DPYSL3: variants seen among roughly 807,000 people sequenced by gnomAD.
DPYSL3 encodes dihydropyrimidinase like 3.
In DPYSL3, 16 loss-of-function variants were observed where a neutral mutation model predicts 66.1. That is an observed-to-expected ratio of 0.24 (90% confidence interval 0.16 to 0.37). DPYSL3 has a LOEUF of 0.37. Among genes scored for constraint, DPYSL3 ranks in the 10% least tolerant of loss-of-function variants. The probability of loss-of-function intolerance (pLI) is 1.00; values close to 1 mark genes in which losing one functional copy is unlikely to be tolerated. For missense variants in DPYSL3, 738 were observed against 916.2 expected (o/e 0.81, Z 2.51); for synonymous variants, 338 against 345.1 (o/e 0.98, Z 0.23).
At position 147,392,724 on chromosome 5, in the gene DPYSL3, T is replaced by A. The variant is rs1757848593; in HGVS notation, c.*1311A>T. 1 of 152,198 alleles carries A rather than the reference T, an allele frequency of 6.6e-6. No individual in the cohort carries two copies. Among genetic ancestry groups the A allele is most frequent in the Admixed American group, 6.5e-5 (1 of 15,284 alleles). 9.4% of individuals were successfully genotyped at this position (152,198 alleles called of 1,614,324 possible). A position where few individuals can be genotyped will look rare whatever the true frequency, so the allele number is the denominator to read the frequency against. ...CAGGTGCCCCATGAGGAAGACTGCATCATGTCACTTCCACTCACTTGGGGA... is the reference window on the plus strand; with the variant it reads ...CAGGTGCCCCATGAGGAAGACTGCAACATGTCACTTCCACTCACTTGGGGA... On this transcript the variant is annotated 3_prime_UTR_variant, in exon 14 of 14. Transcript: ENST00000343218.
rs3213857 is a variant in DPYSL3 at position 147,400,447 on chromosome 5, T to G, written c.1452+245A>C. ...CGTACACTCAGATGAAGGAGTTGCA[T>G]GTCTGGTTCCTAGTCCTAACAGTCT... On this transcript the variant is annotated intron_variant, in intron 10 of 13. Transcript: ENST00000343218. Among the ~76,000 whole-genome samples the G allele has an allele frequency of 0.013, 1,979 of 152,380 alleles. 128 individuals are homozygous for G. The East Asian group carries it at 0.18, about 14-fold the overall frequency.
chr5:147,503,714 A>G (rs891172928), intron 1 of DPYSL3, among the ~76,000 whole-genome samples: 3 of 152,242 alleles, frequency 2.0e-5, no homozygotes, highest in African/African-American at 7.2e-5. Flanking sequence ...AAAGATGCAC[A>G]ATCAAGAAAG....
chr5:147,419,612 T>C (rs1004417210), intron 2 of DPYSL3, among the ~76,000 whole-genome samples: 1 of 152,184 alleles, frequency 6.6e-6, no homozygotes, highest in African/African-American at 2.4e-5. Flanking sequence ...TCTCCTACCT[T>C]GGGATATCTG....
Position 147,415,704 on chromosome 5 carries a change from C to A in DPYSL3, c.820+5G>T. ...GAGGAGGGAGGACGGCATGTCCGGGCTCACCTTTGTCCTTGATGAGGTTCT... is the reference window on the plus strand; with the variant it reads ...GAGGAGGGAGGACGGCATGTCCGGGATCACCTTTGTCCTTGATGAGGTTCT... On this transcript the variant is annotated splice_donor_5th_base_variant and intron_variant, in intron 4 of 13. Transcript: ENST00000343218. 1.2e-6 allele frequency: 2 copies of A among 1,613,106 alleles called. No individual in the cohort carries two copies. Among genetic ancestry groups the A allele is most frequent in the Non-Finnish European group, 8.5e-7 (1 of 1,179,478 alleles).
intron 1 of DPYSL3, among the ~76,000 whole-genome samples, chr5:147,501,076 C>T (rs1016949987): frequency 3.3e-5 from 5 of 152,140 alleles, no homozygotes; most frequent in Admixed American, 2.6e-4. Flanking sequence ...ACCACGACAT[C>T]CTTCAGTAGG....
intron 1 of DPYSL3, among the ~76,000 whole-genome samples, chr5:147,450,402 G>A (rs891931153): frequency 3.9e-5 from 6 of 152,170 alleles, no homozygotes; most frequent in Admixed American, 1.3e-4. Flanking sequence ...CAGGCCCATC[G>A]CGAGACAGTG....
At chr5:147,487,437 T>A (rs1255253872) in intron 1 of DPYSL3, among the ~76,000 whole-genome samples, 1 of 152,206 alleles carries the variant, frequency 6.6e-6, no homozygotes, top group Non-Finnish European at 1.5e-5. Context: ...AATTTTGGAA[T>A]CTTTTCATAT....
intron 2 of DPYSL3, among the ~76,000 whole-genome samples, chr5:147,420,557 G>A (rs1162983919): frequency 6.6e-6 from 1 of 152,174 alleles, no homozygotes; most frequent in Non-Finnish European, 1.5e-5. Context: ...CATAGCATGA[G>A]TCCAATATCT....
chr5:147,450,734 C>T (rs1220031396), intron 1 of DPYSL3, among the ~76,000 whole-genome samples: 1 of 152,122 alleles, frequency 6.6e-6, no homozygotes, highest in Non-Finnish European at 1.5e-5. Context: ...ACAACCAATC[C>T]TATCTTGGAC....
Position 147,401,527 on chromosome 5 carries a change from T to C in DPYSL3, c.1310+13A>G. On this transcript the variant is annotated intron_variant, in intron 9 of 13. Transcript: ENST00000343218. ...TTCACAAAACGCCTGCTGCTGGGCA[T>C]TCCTGCACCAACCTGGCCAGCAAGG... is the stretch of plus-strand genomic sequence containing the variant. 1 of 1,608,294 alleles carries C rather than the reference T, an allele frequency of 6.2e-7. No individual in the cohort carries two copies. Among genetic ancestry groups the C allele is most frequent in the South Asian group, 1.1e-5 (1 of 89,962 alleles).
Position 147,453,771 on chromosome 5 carries a change from T to C in DPYSL3, c.382-28808A>G, listed in dbSNP as rs1327130903. The C allele has an allele frequency of 3.9e-6, 5 of 1,296,174 alleles. No homozygotes were observed. The East Asian group carries it at 1.6e-4, about 41-fold the overall frequency. The allele number at this position is 1,296,174 out of a possible 1,614,324, so 80.3% of individuals were successfully genotyped here. A position where few individuals can be genotyped will look rare whatever the true frequency, so the allele number is the denominator to read the frequency against. On this transcript the variant is annotated intron_variant, in intron 1 of 13. Coordinates refer to ENST00000343218, the MANE Select transcript of DPYSL3 (RefSeq NM_001197294.2). ...CCGCGGCGGCTGCCAGAGACAATAG[T>C]AAATCTCCCCGGTCCCCCTTTCACC...
intron 1 of DPYSL3, among the ~76,000 whole-genome samples, chr5:147,452,927 A>ACAC (rs1752765307): frequency 7.5e-6 from 1 of 132,542 alleles, no homozygotes; most frequent in Non-Finnish European, 1.6e-5. Context: ...ACACACACAC[A>ACAC]TAAAGTTGAT....
In DPYSL3 at chr5:147,477,443, G is replaced by A. The variant is rs188854086; in HGVS notation, c.381+32035C>T. On this transcript the variant is annotated intron_variant, in intron 1 of 13. Coordinates refer to ENST00000343218, the MANE Select transcript of DPYSL3 (RefSeq NM_001197294.2). ...CCAGACAGGAAAGAAAATGAAGAGCGGCAATATTCACAGAGATAATTTATG... is the reference window on the plus strand; with the variant it reads ...CCAGACAGGAAAGAAAATGAAGAGCAGCAATATTCACAGAGATAATTTATG... Among the ~76,000 whole-genome samples, 8 of 151,640 alleles carry A rather than the reference G, an allele frequency of 5.3e-5. No individual in the cohort carries two copies. In the East Asian group the frequency reaches 9.7e-4, roughly 18 times the overall value.
At chr5:147,413,824 C>T (rs1484109841) in intron 4 of DPYSL3, among the ~76,000 whole-genome samples, 167 bp from the exon 5 acceptor site, 4 of 152,126 alleles carry the variant, frequency 2.6e-5, no homozygotes, top group African/African-American at 9.7e-5. Context: ...TTGCTCTGCC[C>T]ACCCTTGCCC....
intron 4 of DPYSL3, among the ~76,000 whole-genome samples, chr5:147,415,131 G>A (rs1057216727): frequency 1.3e-5 from 2 of 152,086 alleles, no homozygotes; most frequent in South Asian, 2.1e-4. Context: ...GAGGACACAC[G>A]CTGGCAAACA....
intron 11 of DPYSL3, among the ~76,000 whole-genome samples, chr5:147,398,632 T>C (rs1758069349): frequency 6.6e-6 from 1 of 152,174 alleles, no homozygotes; most frequent in Non-Finnish European, 1.5e-5. Flanking sequence ...ATCACTGCTG[T>C]TTACCAGTTA....
intron 2 of DPYSL3, among the ~76,000 whole-genome samples, chr5:147,419,420 G>C (rs766256453): frequency 7.9e-5 from 12 of 152,334 alleles, no homozygotes; most frequent in Non-Finnish European, 1.5e-4. Context: ...GTATCTCAAA[G>C]GCAAGCCTCC....
intron 1 of DPYSL3, among the ~76,000 whole-genome samples, chr5:147,500,826 G>T (rs1334643052): frequency 7.2e-5 from 11 of 152,118 alleles, no homozygotes; most frequent in Admixed American, 7.2e-4. Context: ...TCAAATGCTG[G>T]TGAAGATGTG....
chr5:147,394,679 CAACA>C (rs1757917150), intron 13 of DPYSL3, among the ~76,000 whole-genome samples: 1 of 137,044 alleles, frequency 7.3e-6, no homozygotes. Flanking sequence ...AGAACAACAA[CAACA>C]AAAAAAAAAA....
Sources: allele counts gnomAD v4.1 joint callset (sites outside exome capture counted in the v4.1 genomes callset), GRCh38; gene constraint gnomAD v4.1.1; transcripts MANE v1.5; gene names NCBI Gene and HGNC (gene_info 2026-07-23, HGNC 2026-07-21).